The following PRKX variants were observed in gnomAD, a reference collection of about 807,000 sequenced individuals.
PRKX encodes the protein protein kinase cAMP-dependent X-linked catalytic subunit.
Under a neutral mutation model 22.0 loss-of-function variants are expected in PRKX, and 12 were observed. The ratio of observed to expected loss-of-function variants is 0.54; its 90% CI spans 0.35 to 0.88. The LOEUF (loss-of-function observed/expected upper bound fraction) is 0.88. Among genes scored for constraint, PRKX ranks in the 40% least tolerant of loss-of-function variants. PRKX has a pLI of 0.01. For missense variants in PRKX, 217 were observed against 308.0 expected (o/e 0.70, Z 2.21); for synonymous variants, 134 against 137.7 (o/e 0.97, Z 0.19).
chrX:3,605,230 T>C lies in PRKX; in HGVS notation c.*3739A>G, dbSNP rs1486443033. The C allele has an allele frequency of 9.0e-6, 1 of 111,600 alleles. No homozygotes were observed. The highest frequency in any genetic ancestry group is 1.9e-5 in the Non-Finnish European group (1 of 53,178). The allele number at this position is 111,600 out of a possible 1,213,427, so 9.2% of individuals were successfully genotyped here. ...ACTCCTCCAATGTGTGTAAAATGCA[T>C]GCTAGGTAGATTGAAGGAAAAACGA... On this transcript the variant is annotated 3_prime_UTR_variant, in exon 9 of 9. Transcript: ENST00000262848.
At chrX:3,617,230 T>TTA (rs34371098) in intron 6 of PRKX, among the ~76,000 whole-genome samples, 1,250 of 108,028 alleles carry the variant, frequency 0.012, 21 homozygotes, top group African/African-American at 0.036. Flanking sequence ...TACACATGTA[T>TTA]TATATATATA....
At chrX:3,620,218 C>T (rs905972459) in intron 6 of PRKX, among the ~76,000 whole-genome samples, 1 of 111,942 alleles carries the variant, frequency 8.9e-6, no homozygotes, top group Admixed American at 9.5e-5. Context: ...ATAAACAAAA[C>T]GAGGTCTGCC....
chrX:3,624,782 G>C (rs974979581), intron 5 of PRKX, among the ~76,000 whole-genome samples: 1 of 109,750 alleles, frequency 9.1e-6, no homozygotes, highest in Non-Finnish European at 1.9e-5. Context: ...ACCATGCCCA[G>C]CTAATTTTTA....
chrX:3,636,080 G>T (rs1314953863), intron 4 of PRKX, among the ~76,000 whole-genome samples: 1 of 112,564 alleles, frequency 8.9e-6, no homozygotes, highest in East Asian at 2.8e-4. Context: ...AATAAAATCT[G>T]CATCATGATA....
intron 2 of PRKX, among the ~76,000 whole-genome samples, chrX:3,659,837 G>A (rs1168526839): frequency 4.8e-5 from 5 of 104,616 alleles, no homozygotes; most frequent in African/African-American, 1.4e-4. Flanking sequence ...TGATTCTCCC[G>A]CCTCAGCCTC....
chrX:3,654,114 AT>A (rs1487707163), intron 3 of PRKX, among the ~76,000 whole-genome samples: 1 of 88,030 alleles, frequency 1.1e-5, no homozygotes, highest in Non-Finnish European at 2.1e-5. Context: ...AATACGTATA[AT>A]ATATACTATA....
rs371967462 is a variant in PRKX, at chrX:3,704,254, C to CGTGA, written c.166+8833_166+8834insTCAC. Among the ~76,000 whole-genome samples, 935 of 112,328 alleles carry CGTGA rather than the reference C, an allele frequency of 8.3e-3. 7 individuals are homozygous for CGTGA. Among genetic ancestry groups the CGTGA allele is most frequent in the African/African-American group, 0.029 (884 of 30,947 alleles). ...GGCCTGCCAAGTTTACCCGCACACA[C>CGTGA]GTATTACCAAATTCATCCACATGCC... is the stretch of plus-strand genomic sequence containing the variant. On this transcript the variant is annotated intron_variant, in intron 1 of 8. Transcript: ENST00000262848.
chrX:3,687,940 T>C (rs1318404294), intron 1 of PRKX, among the ~76,000 whole-genome samples: 5 of 112,005 alleles, frequency 4.5e-5, no homozygotes, highest in Admixed American at 1.9e-4. Flanking sequence ...AACCCCATCC[T>C]GGCCAACATG....
chrX:3,693,939 C>CAA (rs1230845031), intron 1 of PRKX, among the ~76,000 whole-genome samples: 372 of 32,987 alleles, frequency 0.011, 4 homozygotes, highest in African/African-American at 0.037. Context: ...GACTCCGTCT[C>CAA]AAAAAAAAAA....
intron 2 of PRKX, 79 bp downstream of exon 2, chrX:3,674,519 C>G (rs1927909107): frequency 9.3e-7 from 1 of 1,079,723 alleles, no homozygotes; most frequent in Admixed American, 2.4e-5. Flanking sequence ...ATGGTCTCGG[C>G]CCACCCAGCT....
intron 4 of PRKX, among the ~76,000 whole-genome samples, chrX:3,640,818 G>A (rs369149632): frequency 1.5e-3 from 164 of 111,418 alleles, no homozygotes; most frequent in African/African-American, 5.2e-3. Context: ...CAGTAAAGCC[G>A]GCCAAATGCC....
chrX:3,659,717 GT>G (rs369338597), intron 2 of PRKX, among the ~76,000 whole-genome samples: 1,051 of 28,017 alleles, frequency 0.038, 23 homozygotes, highest in African/African-American at 0.18. Context: ...TGTTTTTTTT[GT>G]TTTTTTTTTT....
chrX:3,689,703 C>G (rs35458025), intron 1 of PRKX, among the ~76,000 whole-genome samples: 2 of 110,646 alleles, frequency 1.8e-5, no homozygotes, highest in Admixed American at 9.6e-5. Context: ...ATGGGCTGGG[C>G]GCGGTGGCTC....
At chrX:3,613,869 AAAAAAAAAAAAGAAG>A (rs1329734198) in intron 7 of PRKX, among the ~76,000 whole-genome samples, 1 of 103,700 alleles carries the variant, frequency 9.6e-6, no homozygotes, top group African/African-American at 3.5e-5. Context: ...AAAAAAAAAA[AAAAAAAAAAAAGAAG>A]CGTATCATCC....
chrX:3,643,004 CAAAAAA>C (rs60090711), intron 3 of PRKX, among the ~76,000 whole-genome samples: 1 of 27,562 alleles, frequency 3.6e-5, no homozygotes, highest in African/African-American at 1.9e-4. Context: ...GACTCTCTCT[CAAAAAA>C]AAAAAAAAAA....
At chrX:3,617,382 C>T (rs1442104554) in intron 6 of PRKX, among the ~76,000 whole-genome samples, 6 of 109,676 alleles carry the variant, frequency 5.5e-5, no homozygotes, top group Non-Finnish European at 1.1e-4. Context: ...CAGTGGCTCA[C>T]GTTTATATTC....
intron 1 of PRKX, among the ~76,000 whole-genome samples, chrX:3,710,271 C>T (rs1206793764): frequency 8.9e-6 from 1 of 111,981 alleles, no homozygotes; most frequent in African/African-American, 3.2e-5. Flanking sequence ...ACTCCAGAAT[C>T]CCTTCACGCA....
At chrX:3,630,383 A>T (rs1473228362) in intron 4 of PRKX, among the ~76,000 whole-genome samples, 11 of 109,774 alleles carry the variant, frequency 1.0e-4, no homozygotes, top group African/African-American at 3.6e-4. Flanking sequence ...ACACAGTGAA[A>T]CCCTGTCTCT....
intron 2 of PRKX, among the ~76,000 whole-genome samples, chrX:3,666,477 T>A (rs1927733669): frequency 9.0e-6 from 1 of 111,245 alleles, no homozygotes; most frequent in Admixed American, 9.6e-5. Context: ...ATTTTAAAAA[T>A]GGTTAAAATG....
Sources: allele counts gnomAD v4.1 joint callset (sites outside exome capture counted in the v4.1 genomes callset), GRCh38; gene constraint gnomAD v4.1.1; transcripts MANE v1.5; gene names NCBI Gene and HGNC (gene_info 2026-07-23, HGNC 2026-07-21).